SEMA3D: variants seen among roughly 807,000 people sequenced by gnomAD.
The protein encoded by SEMA3D is semaphorin 3D.
In SEMA3D, 84 loss-of-function variants were observed where a neutral mutation model predicts 100.1. That is an observed-to-expected ratio of 0.84 (90% CI 0.70 to 1.01). The LOEUF is 1.01. Ranked by LOEUF, SEMA3D falls within the 50% of genes least tolerant of loss-of-function variation. The pLI is 0.00. For synonymous variants in SEMA3D, 312 were observed against 320.7 expected (o/e 0.97, Z 0.29); for missense variants, 875 against 934.1 (o/e 0.94, Z 0.82).
intron 5 of SEMA3D, among the ~76,000 whole-genome samples, chr7:85,078,588 C>T (rs1787955839): frequency 6.6e-6 from 1 of 152,114 alleles, no homozygotes; most frequent in African/African-American, 2.4e-5. Flanking sequence ...TAACTTTCCT[C>T]TAAATAGAAG....
chr7:85,030,199 A>ATTTT (rs34800712), intron 12 of SEMA3D, among the ~76,000 whole-genome samples: 3 of 147,716 alleles, frequency 2.0e-5, no homozygotes, highest in East Asian at 4.0e-4. Context: ...TTCACCACCT[A>ATTTT]TTTTTTTTTT....
In SEMA3D at chr7:85,001,142, C is replaced by T. The variant is rs538461340; in HGVS notation, c.1909-1277G>A. 3.9e-5 allele frequency among the ~76,000 whole-genome samples: 6 copies of T among 152,274 alleles called. No homozygotes were observed. The East Asian group carries it at 1.2e-3, about 29-fold the overall frequency. On this transcript the variant is annotated intron_variant, in intron 18 of 18. Coordinates refer to ENST00000284136, the MANE Select transcript of SEMA3D (RefSeq NM_001384900.1). ...GTTAACTAACAAGTATATGGCAAGC[C>T]ACCCTCTGTGCCAGAGAAGTGCAGC...
At chr7:85,183,680 A>C (rs986189976) in intron 1 of SEMA3D, among the ~76,000 whole-genome samples, 1 of 152,206 alleles carries the variant, frequency 6.6e-6, no homozygotes. Context: ...TGAAAGGCAA[A>C]AGAAAGCCAC....
chr7:85,128,076 T>C (rs1789614699), intron 2 of SEMA3D, among the ~76,000 whole-genome samples: 1 of 152,022 alleles, frequency 6.6e-6, no homozygotes, highest in Non-Finnish European at 1.5e-5. Flanking sequence ...GTAGGAATTA[T>C]TGAAAATATG....
intron 11 of SEMA3D, among the ~76,000 whole-genome samples, chr7:85,038,071 C>T (rs62472151): frequency 0.31 from 42,440 of 136,766 alleles, 7,558 homozygotes; most frequent in African/African-American, 0.45. Context: ...GGGGGAGGGA[C>T]AGCATCTGGA....
In SEMA3D at chr7:84,997,083, T is replaced by C. The variant is rs1387307868; in HGVS notation, c.*2357A>G. 1.3e-5 allele frequency: 2 copies of C among 151,988 alleles called. No individual in the cohort carries two copies. Among genetic ancestry groups the C allele is most frequent in the African/African-American group, 4.8e-5 (2 of 41,448 alleles). 9.4% of individuals were successfully genotyped at this position (151,988 alleles called of 1,614,324 possible). A position where few individuals can be genotyped will look rare whatever the true frequency, so the allele number is the denominator to read the frequency against. ...TAATTATCATAAATCAAGAGTATTGTATCCAAAGCAGCCAGAATATTAGAT... is the reference window on the plus strand; with the variant it reads ...TAATTATCATAAATCAAGAGTATTGCATCCAAAGCAGCCAGAATATTAGAT... On this transcript the variant is annotated 3_prime_UTR_variant, in exon 19 of 19. Transcript: ENST00000284136.
At chr7:85,178,206 A>G (rs1791293785) in intron 1 of SEMA3D, among the ~76,000 whole-genome samples, 1 of 152,202 alleles carries the variant, frequency 6.6e-6, no homozygotes, top group South Asian at 2.1e-4. Flanking sequence ...TCACAGCAGC[A>G]TGAAAACAAG....
chr7:85,208,261 TAATA>T, the SEMA3D span, among the ~76,000 whole-genome samples: 1 of 151,964 alleles, frequency 6.6e-6, no homozygotes, highest in Admixed American at 6.6e-5. Flanking sequence ...AACCATTGTA[TAATA>T]AATAAAATTT....
At chr7:85,175,560 C>A (rs776079408) in intron 1 of SEMA3D, among the ~76,000 whole-genome samples, 5 of 152,120 alleles carry the variant, frequency 3.3e-5, no homozygotes, top group Non-Finnish European at 5.9e-5. Context: ...GTTATTCACC[C>A]GTCTGTACAT....
chr7:85,031,327 A>G (rs1387674235), intron 12 of SEMA3D, among the ~76,000 whole-genome samples: 1 of 152,068 alleles, frequency 6.6e-6, no homozygotes, highest in Non-Finnish European at 1.5e-5. Context: ...AACCTACGTT[A>G]AAGCTTTAAC....
At chr7:85,000,352 G>C (rs934102150) in intron 18 of SEMA3D, among the ~76,000 whole-genome samples, 1 of 152,152 alleles carries the variant, frequency 6.6e-6, no homozygotes, top group Non-Finnish European at 1.5e-5. Context: ...ATGTAGAATA[G>C]AACAATAATT....
chr7:85,195,821 G>A, the SEMA3D span, among the ~76,000 whole-genome samples: 1 of 152,040 alleles, frequency 6.6e-6, no homozygotes, highest in African/African-American at 2.4e-5. Flanking sequence ...ACTAACCCTT[G>A]AATTTTGAGA....
At chr7:85,149,551 A>G (rs1218220423) in intron 2 of SEMA3D, among the ~76,000 whole-genome samples, 1 of 152,226 alleles carries the variant, frequency 6.6e-6, no homozygotes, top group African/African-American at 2.4e-5. Context: ...CATCACTGTA[A>G]GTGCTAACAT....
chr7:85,009,114 A>T (rs1789881929), intron 17 of SEMA3D, among the ~76,000 whole-genome samples: 1 of 151,750 alleles, frequency 6.6e-6, no homozygotes, highest in Non-Finnish European at 1.5e-5. Flanking sequence ...GTTATATACC[A>T]TAGTGTTTTG....
chr7:85,238,069 T>C, the SEMA3D span, among the ~76,000 whole-genome samples: 2 of 152,224 alleles, frequency 1.3e-5, no homozygotes, highest in South Asian at 4.1e-4. Flanking sequence ...TTTTTGATGA[T>C]GTATCTGTTC....
the SEMA3D span, among the ~76,000 whole-genome samples, chr7:85,241,610 C>A: frequency 5.3e-5 from 8 of 151,016 alleles, no homozygotes; most frequent in African/African-American, 1.9e-4. Flanking sequence ...TCTTTATGTT[C>A]TCACTCATAA....
At chr7:85,215,839 C>A in the SEMA3D span, among the ~76,000 whole-genome samples, 22 of 152,026 alleles carry the variant, frequency 1.4e-4, no homozygotes, top group Non-Finnish European at 2.8e-4. Flanking sequence ...ACTTTCATAG[C>A]CTTTTCAGAT....
chr7:85,012,679 G>A (rs1382720360), intron 17 of SEMA3D, 103 bp downstream of exon 17: 2 of 833,208 alleles, frequency 2.4e-6, no homozygotes, highest in Admixed American at 2.2e-5. Flanking sequence ...ACAAAATGGA[G>A]ATATTCTTAT....
the SEMA3D span, among the ~76,000 whole-genome samples, chr7:85,199,095 A>C: frequency 3.3e-5 from 5 of 151,866 alleles, no homozygotes; most frequent in Admixed American, 3.3e-4. Context: ...CATCATTATT[A>C]TTTTTAATGT....
Sources: gnomAD v4.1 joint callset for allele counts (sites outside exome capture counted in the v4.1 genomes callset) on GRCh38, gnomAD v4.1.1 for gene constraint, MANE v1.5 for transcripts, NCBI Gene and HGNC (gene_info 2026-07-23, HGNC 2026-07-21) for gene names.